SEMA3D: variants seen among roughly 807,000 people sequenced by gnomAD.
The protein encoded by SEMA3D is semaphorin-3D.
SEMA3D carries 84 observed loss-of-function variants against 100.1 expected under a neutral mutation model. The observed-to-expected ratio is 0.84, with a 90% CI of 0.70 to 1.01. The LOEUF is 1.01. SEMA3D is among the 50% of genes least tolerant of loss of function. SEMA3D has a pLI of 0.00. For missense variants in SEMA3D, 875 were observed against 934.1 expected (o/e 0.94, Z 0.82); for synonymous variants, 312 against 320.7 (o/e 0.97, Z 0.29).
intron 2 of SEMA3D, among the ~76,000 whole-genome samples, chr7:85,126,579 C>T (rs975728186): frequency 1.6e-4 from 25 of 152,158 alleles, no homozygotes; most frequent in African/African-American, 5.8e-4. Flanking sequence ...ATATGCCTAT[C>T]TCAGCATTAA....
At chr7:85,016,396 C>G (rs1207240505) in intron 15 of SEMA3D, among the ~76,000 whole-genome samples, 1 of 151,702 alleles carries the variant, frequency 6.6e-6, no homozygotes, top group East Asian at 2.0e-4. Flanking sequence ...ACTCCTCCTG[C>G]CCTACCTTGG....
At chr7:85,130,130 T>C (rs1789683159) in intron 2 of SEMA3D, among the ~76,000 whole-genome samples, 1 of 152,104 alleles carries the variant, frequency 6.6e-6, no homozygotes, top group Admixed American at 6.6e-5. Flanking sequence ...GGAACACAAA[T>C]AGGCAGATGT....
At chr7:85,064,453 A>G (rs1161753932) in intron 8 of SEMA3D, among the ~76,000 whole-genome samples, 2 of 152,196 alleles carry the variant, frequency 1.3e-5, no homozygotes, top group African/African-American at 2.4e-5. Context: ...TGAGAATCAC[A>G]TTGTTGTATA....
Position 84,999,849 on chromosome 7 carries a change from C to G in SEMA3D, c.1925G>C (p.Arg642Thr). 6.2e-7 allele frequency: 1 copy of G among 1,613,018 alleles called. No individual in the cohort carries two copies. Among genetic ancestry groups the G allele is most frequent in the African/African-American group, 1.3e-5 (1 of 74,972 alleles). ...TAGCCCATATTCCGTTTTGATGATT[C>G]TTTCATCGGGCTTCAACTGCAGAAT... ...EHREELKPDERIIKTEYGLLI... is the reference protein window; with the variant it reads ...EHREELKPDETIIKTEYGLLI... Residue 642 changes from arginine to threonine, a missense_variant, in exon 19 of 19, where the codon AGA (arginine) becomes ACA (threonine). Arg to Thr is a moderately conservative substitution (Grantham distance 71, BLOSUM62 -1). Transcript: ENST00000284136.
At chr7:85,181,348 A>ACACAAT (rs1791403418) in intron 1 of SEMA3D, among the ~76,000 whole-genome samples, 1 of 23,892 alleles carries the variant, frequency 4.2e-5, no homozygotes, top group Non-Finnish European at 8.7e-5. Flanking sequence ...ACACACACAC[A>ACACAAT]CACACACACA....
chr7:85,197,813 A>G, the SEMA3D span, among the ~76,000 whole-genome samples: 1 of 152,226 alleles, frequency 6.6e-6, no homozygotes, highest in Non-Finnish European at 1.5e-5. Context: ...GAAATGGACA[A>G]TAATGTTCAT....
chr7:85,070,572 T>C (rs1357141578), intron 6 of SEMA3D, among the ~76,000 whole-genome samples: 1 of 152,100 alleles, frequency 6.6e-6, no homozygotes, highest in Non-Finnish European at 1.5e-5. Context: ...GGACTAATGA[T>C]TCATTAAAAA....
intron 2 of SEMA3D, among the ~76,000 whole-genome samples, chr7:85,138,792 C>G (rs1789946885): frequency 6.6e-6 from 1 of 151,510 alleles, no homozygotes; most frequent in Non-Finnish European, 1.5e-5. Flanking sequence ...AGGTATTTCT[C>G]CTAATGCTAT....
At chr7:85,035,769 T>TA (rs776893506) in intron 12 of SEMA3D, among the ~76,000 whole-genome samples, 5 of 151,678 alleles carry the variant, frequency 3.3e-5, no homozygotes, top group Non-Finnish European at 5.9e-5. Flanking sequence ...GAGAGAAAAT[T>TA]AAAAAAATGA....
chr7:85,118,279 C>A (rs879782044), intron 3 of SEMA3D, among the ~76,000 whole-genome samples: 1 of 152,082 alleles, frequency 6.6e-6, no homozygotes, highest in African/African-American at 2.4e-5. Flanking sequence ...AATTCTTGAA[C>A]ATATTTATGA....
upstream of SEMA3D, among the ~76,000 whole-genome samples, chr7:85,190,994 C>G (rs988873333): frequency 6.6e-6 from 1 of 151,686 alleles, no homozygotes; most frequent in Non-Finnish European, 1.5e-5. Flanking sequence ...GCTATAGAGA[C>G]TTTTCTTAAA....
In SEMA3D at chr7:85,054,674, A is replaced by G. The variant is rs371691944; in HGVS notation, c.861+1043T>C. On this transcript the variant is annotated intron_variant, in intron 9 of 18. Coordinates refer to ENST00000284136, the MANE Select transcript of SEMA3D (RefSeq NM_001384900.1). ...TGTATTTCTGTCCCTGAAAGTGTTC[A>G]GAAGCCTGAGGGTACAGATTGAAAG... Among the ~76,000 whole-genome samples, 166 of 152,232 alleles carry G rather than the reference A, an allele frequency of 1.1e-3. 1 individual carries two copies. The highest frequency in any genetic ancestry group is 3.9e-3 in the African/African-American group (161 of 41,578).
chr7:85,158,400 A>G (rs1316472342), intron 1 of SEMA3D, among the ~76,000 whole-genome samples: 3 of 152,174 alleles, frequency 2.0e-5, no homozygotes, highest in African/African-American at 7.2e-5. Flanking sequence ...TGTGGAATGA[A>G]ATAAGCCCCG....
At chr7:85,102,548 G>C (rs1249966062) in intron 3 of SEMA3D, among the ~76,000 whole-genome samples, 3 of 152,000 alleles carry the variant, frequency 2.0e-5, no homozygotes, top group African/African-American at 7.2e-5. Flanking sequence ...TATGATGGCA[G>C]GTTGAAGATT....
At chr7:85,245,794 T>A in the SEMA3D span, among the ~76,000 whole-genome samples, 1 of 152,136 alleles carries the variant, frequency 6.6e-6, no homozygotes, top group African/African-American at 2.4e-5. Flanking sequence ...CTTAGTAAGA[T>A]TTCTCTATTA....
chr7:85,149,334 G>C (rs2116484924), intron 2 of SEMA3D, among the ~76,000 whole-genome samples: 1 of 152,248 alleles, frequency 6.6e-6, no homozygotes, highest in South Asian at 2.1e-4. Context: ...GCACGTGCCT[G>C]TAATCTCAGC....
chr7:85,054,836 T>A (rs1282404885), intron 9 of SEMA3D, among the ~76,000 whole-genome samples: 1 of 152,084 alleles, frequency 6.6e-6, no homozygotes, highest in Non-Finnish European at 1.5e-5. Flanking sequence ...TTAAGAAAAG[T>A]TATTTCAGTG....
chr7:85,087,486 C>T (rs1788257034), intron 4 of SEMA3D, among the ~76,000 whole-genome samples: 1 of 152,220 alleles, frequency 6.6e-6, no homozygotes, highest in African/African-American at 2.4e-5. Context: ...CCAGAAGAAC[C>T]TAAGAATTCC....
intron 2 of SEMA3D, among the ~76,000 whole-genome samples, chr7:85,129,125 A>T (rs933807725): frequency 6.6e-6 from 1 of 151,868 alleles, no homozygotes; most frequent in African/African-American, 2.4e-5. Flanking sequence ...TCCTGGCCTC[A>T]AGTGATCATC....
Sources: gnomAD v4.1 joint callset for allele counts (sites outside exome capture counted in the v4.1 genomes callset) on GRCh38, gnomAD v4.1.1 for gene constraint, MANE v1.5 for transcripts, NCBI Gene and HGNC (gene_info 2026-07-23, HGNC 2026-07-21) for gene names.